Variants in AMIGO1 observed in about 807,000 individuals in gnomAD.
AMIGO1 encodes the protein amphoterin-induced protein 1.
For missense variants in AMIGO1, 361 were observed against 612.3 expected (o/e 0.59, Z 4.33); for synonymous variants, 249 against 266.3 (o/e 0.93, Z 0.63).
chr1:109,507,824 C>T lies in AMIGO1; in HGVS notation c.1089G>A (p.Leu363=), dbSNP rs1457720275. 1.2e-6 allele frequency: 2 copies of T among 1,614,098 alleles called. No homozygotes were observed. Among genetic ancestry groups the T allele is most frequent in the South Asian group, 1.1e-5 (1 of 91,084 alleles). Residue 363 remains leucine, a synonymous_variant, in exon 2 of 2, where the codon TTG becomes TTA. Transcript: ENST00000369864. The surrounding 1 kb of genome is among the most constrained non-coding windows in gnomAD (Gnocchi z 4.7). ...TGTTGAGGGTGTCATGGTGTCCGTG[C>T]AAGGTGAAATTGTGCACTTTCAATT... ...SVELKVHNFT[L]HGHHDTLNTA... is the part of the protein sequence containing the mutation.
In AMIGO1 at chr1:109,507,813, T is replaced by C. The variant is rs775205886; in HGVS notation, c.1100A>G (p.His367Arg). ...KVHNFTLHGH[H>R]DTLNTAYTTL... ...GGTATAGGCTGTGTTGAGGGTGTCA[T>C]GGTGTCCGTGCAAGGTGAAATTGTG... is the stretch of plus-strand genomic sequence containing the variant. Residue 367 changes from histidine to arginine, a missense_variant, in exon 2 of 2, where the codon CAT becomes CGT. Transcript: ENST00000369864. This position sits in a 1 kb window ranked among gnomAD's most constrained non-coding sequence, Gnocchi z 4.7. The C allele has an allele frequency of 1.9e-6, 3 of 1,614,088 alleles. No homozygotes were observed. The highest frequency in any genetic ancestry group is 1.7e-6 in the Non-Finnish European group (2 of 1,180,038).
chr1:109,504,482 C>A lies in AMIGO1; in HGVS notation c.*2949G>T, dbSNP rs574516997. On this transcript the variant is annotated 3_prime_UTR_variant, in exon 2 of 2. Transcript: ENST00000369864. ...ACACAGATTGTAGAGCCCTGTCATCCTCTGTCTCCAGGGACACCTGCTTCC... is the reference window on the plus strand; with the variant it reads ...ACACAGATTGTAGAGCCCTGTCATCATCTGTCTCCAGGGACACCTGCTTCC... 1 of 152,148 alleles carries A rather than the reference C, an allele frequency of 6.6e-6. No individual in the cohort carries two copies. The highest frequency in any genetic ancestry group is 6.5e-5 in the Admixed American group (1 of 15,274). The allele number at this position is 152,148 out of a possible 1,614,324, so 9.4% of individuals were successfully genotyped here.
rs2101060893 is a variant in AMIGO1, at chr1:109,508,975, G to C, written c.-63C>G. 1.4e-6 allele frequency: 2 copies of C among 1,457,150 alleles called. No individual in the cohort carries two copies. The highest frequency in any genetic ancestry group is 2.4e-4 in the Middle Eastern group (1 of 4,236). 90.3% of individuals were successfully genotyped at this position (1,457,150 alleles called of 1,614,324 possible). ...ATCTGGGAGGAGGTCACCCGGGCAT[G>C]TTCTGGTGGGGTACGGAAGGGTCAC... is the stretch of plus-strand genomic sequence containing the variant. On this transcript the variant is annotated 5_prime_UTR_variant, in exon 2 of 2. Coordinates refer to ENST00000369864, the MANE Select transcript of AMIGO1 (RefSeq NM_020703.4). The surrounding 1 kb of genome is among the most constrained non-coding windows in gnomAD (Gnocchi z 7.8).
Position 109,506,376 on chromosome 1 carries a change from A to T in AMIGO1, c.*1055T>A, listed in dbSNP as rs1039229357. The T allele has an allele frequency of 6.6e-6, 1 of 152,198 alleles. No homozygotes were observed. Among genetic ancestry groups the T allele is most frequent in the Non-Finnish European group, 1.5e-5 (1 of 68,034 alleles). 9.4% of individuals were successfully genotyped at this position (152,198 alleles called of 1,614,324 possible). On this transcript the variant is annotated 3_prime_UTR_variant, in exon 2 of 2. Coordinates refer to ENST00000369864, the MANE Select transcript of AMIGO1 (RefSeq NM_020703.4). Reference sequence around the variant, plus strand: ...CTTTACAGAGCAGCATATTAGGGAAAATTCAGAATCCCACCTGAGCTTGAT... The same window carrying T: ...CTTTACAGAGCAGCATATTAGGGAATATTCAGAATCCCACCTGAGCTTGAT...
Position 109,508,315 on chromosome 1 carries a change from A to G in AMIGO1, c.598T>C (p.Leu200=). The G allele has an allele frequency of 6.2e-7, 1 of 1,614,092 alleles. No individual in the cohort carries two copies. Among genetic ancestry groups the G allele is most frequent in the Non-Finnish European group, 8.5e-7 (1 of 1,179,994 alleles). ...LDLSSNKLKN[L]PLPDLQKLPA... ...AGCTTCTGCAGGTCAGGCAATGGCA[A>G]GTTCTTCAGCTTGTTAGAAGAGAGA... The change falls in exon 2 of 2, where the codon TTG becomes CTG. Residue 200 remains leucine, a synonymous_variant. Transcript: ENST00000369864. The surrounding 1 kb of genome is among the most constrained non-coding windows in gnomAD (Gnocchi z 7.8).
In AMIGO1 at chr1:109,505,118, GC is replaced by G. The variant is rs1657981502; in HGVS notation, c.*2312del. On this transcript the variant is annotated 3_prime_UTR_variant, in exon 2 of 2. Transcript: ENST00000369864. ...GCAGCTCACAGCTACTTAGCCCCTTGCCAGTTTCCTTCTGAGTCCTTCAATG... is the reference window on the plus strand; with the variant it reads ...GCAGCTCACAGCTACTTAGCCCCTTGCAGTTTCCTTCTGAGTCCTTCAATG... The G allele has an allele frequency of 1.3e-5, 2 of 152,318 alleles. No homozygotes were observed. The highest frequency in any genetic ancestry group is 3.9e-4 in the East Asian group (2 of 5,184). 9.4% of individuals were successfully genotyped at this position (152,318 alleles called of 1,614,324 possible). A position where few individuals can be genotyped will look rare whatever the true frequency, so the allele number is the denominator to read the frequency against.
Position 109,507,668 on chromosome 1 carries a change from G to A in AMIGO1, c.1245C>T (p.Ser415=). ...TGGGTGTGGTACTAAGCATGGAAGA[G>A]CTGAGGCTGTCTCCTTGATGGCTGG... ...KPSSHQGDSL[S]SSMLSTTPNH... The change falls in exon 2 of 2, where the codon AGC becomes AGT. Residue 415 remains serine, a synonymous_variant. Transcript: ENST00000369864. The surrounding 1 kb of genome is among the most constrained non-coding windows in gnomAD (Gnocchi z 4.7). The A allele has an allele frequency of 1.9e-6, 3 of 1,614,166 alleles. No homozygotes were observed. The highest frequency in any genetic ancestry group is 2.5e-6 in the Non-Finnish European group (3 of 1,180,038).
At position 109,508,808 on chromosome 1, in the gene AMIGO1, A is replaced by G. The variant is rs1658093416; in HGVS notation, c.105T>C (p.Pro35=). Residue 35 remains proline (P), a synonymous_variant, in exon 2 of 2, where the codon CCT becomes CCC. Transcript: ENST00000369864. The surrounding 1 kb of genome is among the most constrained non-coding windows in gnomAD (Gnocchi z 7.8). ...ARAGRAVVSC[P]AACLCASNIL... ...TGTTGCTGGCGCACAAGCAGGCGGC[A>G]GGACAGCTAACCACGGCTCGGCCAG... 2 of 1,613,928 alleles carry G rather than the reference A, an allele frequency of 1.2e-6. No homozygotes were observed. The highest frequency in any genetic ancestry group is 1.7e-6 in the Non-Finnish European group (2 of 1,180,004).
chr1:109,508,259 T>A lies in AMIGO1; in HGVS notation c.654A>T (p.Leu218=), dbSNP rs762961393. The change falls in exon 2 of 2, where the codon CTA becomes CTT. Residue 218 remains leucine (L), a synonymous_variant. Coordinates refer to ENST00000369864, the MANE Select transcript of AMIGO1 (RefSeq NM_020703.4). This position sits in a 1 kb window ranked among gnomAD's most constrained non-coding sequence, Gnocchi z 7.8. The part of the protein sequence containing the change: ...LPAWIKNGLY[L]HNNPLNCDCE... ...AGTCGCAGTTCAGGGGGTTGTTATG[T>A]AGGTACAGCCCATTCTTGATCCAGG... is the stretch of plus-strand genomic sequence containing the variant. 1 of 1,614,086 alleles carries A rather than the reference T, an allele frequency of 6.2e-7. No homozygotes were observed. Among genetic ancestry groups the A allele is most frequent in the South Asian group, 1.1e-5 (1 of 91,084 alleles).
At chr1:109,509,069 C>T (rs1339828142) in intron 1 of AMIGO1, 70 bp from the exon 2 acceptor site, 1 of 825,580 alleles carries the variant, frequency 1.2e-6, no homozygotes, top group Non-Finnish European at 1.9e-6. Flanking sequence ...TCCCACTTCC[C>T]CTCCCACCCT....
rs1013118927 is a variant in AMIGO1 at position 109,509,612 on chromosome 1, G to T, written c.-280C>A. 7 of 151,802 alleles carry T rather than the reference G, an allele frequency of 4.6e-5. No individual in the cohort carries two copies. Among genetic ancestry groups the T allele is most frequent in the Non-Finnish European group, 8.8e-5 (6 of 67,916 alleles). The allele number at this position is 151,802 out of a possible 1,614,324, so 9.4% of individuals were successfully genotyped here. On this transcript the variant is annotated 5_prime_UTR_variant, in exon 1 of 2. Transcript: ENST00000369864. ...TGCCACCGCCTCGACCGCTGAGCCC[G>T]CCGGAGCCCACCGACCGCGGTCGCT...
rs1658018258 is a variant in AMIGO1, at chr1:109,506,156, T to C, written c.*1275A>G. ...GCAGAACTTGAAGCTGCACTCCAAA[T>C]TGCCATTCTGGGGTAGAGACCACCC... On this transcript the variant is annotated 3_prime_UTR_variant, in exon 2 of 2. Coordinates refer to ENST00000369864, the MANE Select transcript of AMIGO1 (RefSeq NM_020703.4). 2.6e-5 allele frequency: 4 copies of C among 152,162 alleles called. No homozygotes were observed. Among genetic ancestry groups the C allele is most frequent in the Admixed American group, 2.0e-4 (3 of 15,278 alleles). 9.4% of individuals were successfully genotyped at this position (152,162 alleles called of 1,614,324 possible).
At position 109,508,981 on chromosome 1, in the gene AMIGO1, G is replaced by A; in HGVS notation, c.-69C>T. On this transcript the variant is annotated 5_prime_UTR_variant, in exon 2 of 2. Transcript: ENST00000369864. The surrounding 1 kb of genome is among the most constrained non-coding windows in gnomAD (Gnocchi z 7.8). ...GAGGAGGTCACCCGGGCATGTTCTG[G>A]TGGGGTACGGAAGGGTCACTTGAGA... The A allele has an allele frequency of 6.9e-7, 1 of 1,450,762 alleles. No homozygotes were observed. The highest frequency in any genetic ancestry group is 9.1e-7 in the Non-Finnish European group (1 of 1,095,804). 89.9% of individuals were successfully genotyped at this position (1,450,762 alleles called of 1,614,324 possible).
chr1:109,504,312 T>C lies in AMIGO1; in HGVS notation c.*3119A>G, dbSNP rs1657964960. 1 of 152,216 alleles carries C rather than the reference T, an allele frequency of 6.6e-6. No individual in the cohort carries two copies. The allele number at this position is 152,216 out of a possible 1,614,324, so 9.4% of individuals were successfully genotyped here. A position where few individuals can be genotyped will look rare whatever the true frequency, so the allele number is the denominator to read the frequency against. On this transcript the variant is annotated 3_prime_UTR_variant, in exon 2 of 2. Coordinates refer to ENST00000369864, the MANE Select transcript of AMIGO1 (RefSeq NM_020703.4). ...TTGGACACGGGAGGCCTGCTTGCTTTGTCAGCAGAGCTACGAGGAAGTACA... is the reference window on the plus strand; with the variant it reads ...TTGGACACGGGAGGCCTGCTTGCTTCGTCAGCAGAGCTACGAGGAAGTACA...
rs1658121316 is a variant in AMIGO1 at position 109,509,654 on chromosome 1, G to A, written c.-322C>T. 1 of 151,478 alleles carries A rather than the reference G, an allele frequency of 6.6e-6. No homozygotes were observed. The allele number at this position is 151,478 out of a possible 1,614,324, so 9.4% of individuals were successfully genotyped here. On this transcript the variant is annotated 5_prime_UTR_variant, in exon 1 of 2. Transcript: ENST00000369864. ...GCGGTCGCTGCCTCCAGGTCCGCAG[G>A]CCTGGCGCGGATCGGTGCGGGGAGC...
rs1367604803 is a variant in AMIGO1 at position 109,506,120 on chromosome 1, C to T, written c.*1311G>A. 6.6e-6 allele frequency: 1 copy of T among 152,218 alleles called. No individual in the cohort carries two copies. The highest frequency in any genetic ancestry group is 1.9e-4 in the East Asian group (1 of 5,198). The allele number at this position is 152,218 out of a possible 1,614,324, so 9.4% of individuals were successfully genotyped here. A position where few individuals can be genotyped will look rare whatever the true frequency, so the allele number is the denominator to read the frequency against. On this transcript the variant is annotated 3_prime_UTR_variant, in exon 2 of 2. Coordinates refer to ENST00000369864, the MANE Select transcript of AMIGO1 (RefSeq NM_020703.4). ...TCTCTGCTTCAGGATTGCCTGGAAT[C>T]TGTGGAGAGGGCAGAACTTGAAGCT...
Position 109,508,294 on chromosome 1 carries a change from T to G in AMIGO1, c.619A>C (p.Lys207Gln). Residue 207 changes from lysine to glutamine, a missense_variant, in exon 2 of 2, where the codon AAG (lysine) becomes CAG (glutamine). Physicochemically the swap from Lys to Gln is moderately conservative, Grantham distance 53 (BLOSUM62 1). Coordinates refer to ENST00000369864, the MANE Select transcript of AMIGO1 (RefSeq NM_020703.4). This position sits in a 1 kb window ranked among gnomAD's most constrained non-coding sequence, Gnocchi z 7.8. ...LKNLPLPDLQ[K>Q]LPAWIKNGLY... ...CCATTCTTGATCCAGGCCGGCAGCT[T>G]CTGCAGGTCAGGCAATGGCAAGTTC... The G allele has an allele frequency of 2.5e-6, 4 of 1,614,096 alleles. No individual in the cohort carries two copies. Among genetic ancestry groups the G allele is most frequent in the Non-Finnish European group, 3.4e-6 (4 of 1,180,016 alleles).
Position 109,508,667 on chromosome 1 carries a change from G to C in AMIGO1, c.246C>G (p.Pro82=). Residue 82 remains proline, a synonymous_variant, in exon 2 of 2, where the codon CCC becomes CCG. Transcript: ENST00000369864. The surrounding 1 kb of genome is among the most constrained non-coding windows in gnomAD (Gnocchi z 7.8). ...NLSRLRAEWT[P]TRLTQLHSLL... ...GGGAGTGCAGTTGGGTCAGGCGCGTGGGGGTCCACTCGGCCCGCAGGCGGC... is the reference window on the plus strand; with the variant it reads ...GGGAGTGCAGTTGGGTCAGGCGCGTCGGGGTCCACTCGGCCCGCAGGCGGC... 1.2e-6 allele frequency: 2 copies of C among 1,614,178 alleles called. No homozygotes were observed. The highest frequency in any genetic ancestry group is 1.7e-6 in the Non-Finnish European group (2 of 1,180,034).
chr1:109,508,965 AC>A lies in AMIGO1; in HGVS notation c.-54del. The A allele has an allele frequency of 4.1e-6, 6 of 1,467,964 alleles. No homozygotes were observed. The highest frequency in any genetic ancestry group is 5.4e-6 in the Non-Finnish European group (6 of 1,107,920). The allele number at this position is 1,467,964 out of a possible 1,614,324, so 90.9% of individuals were successfully genotyped here. ...CACAAGGAAGATCTGGGAGGAGGTC[AC>A]CCGGGCATGTTCTGGTGGGGTACGG... On this transcript the variant is annotated 5_prime_UTR_variant, in exon 2 of 2. The change abolishes the stop of an existing upstream ORF in the 5' untranslated region. Coordinates refer to ENST00000369864, the MANE Select transcript of AMIGO1 (RefSeq NM_020703.4). This position sits in a 1 kb window ranked among gnomAD's most constrained non-coding sequence, Gnocchi z 7.8.
Sources: allele counts gnomAD v4.1 joint callset, GRCh38; gene constraint gnomAD v4.1.1; non-coding constraint Gnocchi (gnomAD v3.1); transcripts MANE v1.5; gene names NCBI Gene and HGNC (gene_info 2026-07-23, HGNC 2026-07-21).